KRT16: variants seen among roughly 807,000 people sequenced by gnomAD.
KRT16 encodes keratin, type I cytoskeletal 16.
In KRT16, 42 loss-of-function variants were observed where a neutral mutation model predicts 44.8. That is an observed-to-expected ratio of 0.94 (90% CI 0.73 to 1.21). The LOEUF (loss-of-function observed/expected upper bound fraction) is 1.21. Ranked by LOEUF, KRT16 falls within the 50% of genes most tolerant of loss-of-function variation. KRT16 has a pLI of 0.00. For synonymous variants in KRT16, 226 were observed against 260.4 expected, an observed-to-expected ratio of 0.87 and a Z score of 1.27; for missense variants, 561 against 626.9, an observed-to-expected ratio of 0.89 and a Z score of 1.12.
chr17:41,610,641 T>C (rs1908158368), intron 5 of KRT16, 90 bp from the exon 6 acceptor site: 1 of 1,533,620 alleles, frequency 6.5e-7, no homozygotes, highest in African/African-American at 1.4e-5. Context: ...GATGCCTGGA[T>C]TTTGATCCCA....
In KRT16 at chr17:41,611,491, C is replaced by G; in HGVS notation, c.625G>C (p.Glu209Gln). The change falls in exon 3 of 8, where the codon GAA becomes CAA. Residue 209 changes from glutamate (E) to glutamine (Q), a missense_variant. By Grantham distance (29) the Glu-to-Gln change is conservative. Coordinates refer to ENST00000301653, the MANE Select transcript of KRT16 (RefSeq NM_005557.4). Reference protein sequence around the residue: ...ADDFRTKYEHELALRQTVEAD... With the variant: ...ADDFRTKYEHQLALRQTVEAD... ...TCCACAGTCTGCCGCAGGGCCAGTTCATGCTCATACCTGGCAGGACAGAGG... is the reference window on the plus strand; with the variant it reads ...TCCACAGTCTGCCGCAGGGCCAGTTGATGCTCATACCTGGCAGGACAGAGG... 6.2e-7 allele frequency: 1 copy of G among 1,613,908 alleles called. No individual in the cohort carries two copies. The highest frequency in any genetic ancestry group is 1.1e-5 in the South Asian group (1 of 91,074).
chr17:41,611,381 C>T lies in KRT16; in HGVS notation c.735G>A (p.Lys245=). The T allele has an allele frequency of 6.2e-7, 1 of 1,614,236 alleles. No homozygotes were observed. The highest frequency in any genetic ancestry group is 8.5e-7 in the Non-Finnish European group (1 of 1,180,032). The change falls in exon 3 of 8, where the codon AAG becomes AAA. Residue 245 remains lysine, a synonymous_variant. Coordinates refer to ENST00000301653, the MANE Select transcript of KRT16 (RefSeq NM_005557.4). ...TDLEMQIEGL[K]EELAYLRKNH... is the part of the protein sequence containing the mutation. ...TCTTCCTCAGGTAGGCCAGCTCCTC[C>T]TTCAGGCCTTCGATCTGCATCTCCA...
At position 41,610,999 on chromosome 17, in the gene KRT16, T is replaced by C. The variant is rs1385503461; in HGVS notation, c.934-20A>G. The C allele has an allele frequency of 1.2e-6, 2 of 1,613,960 alleles. No individual in the cohort carries two copies. The highest frequency in any genetic ancestry group is 1.3e-5 in the African/African-American group (1 of 75,018). ...CTCGGTCTGAGGCAGGAAAGCAGAG[T>C]GAAAGGTGAGGCTCTCCCAAAGCCC... On this transcript the variant is annotated intron_variant, in intron 4 of 7. Transcript: ENST00000301653.
Position 41,612,490 on chromosome 17 carries a change from C to A in KRT16, c.199G>T (p.Gly67Cys), listed in dbSNP as rs62066634. The A allele has an allele frequency of 1.9e-6, 3 of 1,608,098 alleles. No individual in the cohort carries two copies. Among genetic ancestry groups the A allele is most frequent in the Non-Finnish European group, 2.5e-6 (3 of 1,177,438 alleles). Reference sequence around the variant, plus strand: ...CTGCTGCTGAAGCCACCGCCATAGCCGCCCCCCAGCCCGCAGGCTCCCCCA... The same window carrying A: ...CTGCTGCTGAAGCCACCGCCATAGCAGCCCCCCAGCCCGCAGGCTCCCCCA... ...SSGGACGLGGGYGGGFSSSSS... is the reference protein window; with the variant it reads ...SSGGACGLGGCYGGGFSSSSS... Residue 67 changes from glycine (G) to cysteine (C), a missense_variant, in exon 1 of 8, where the codon GGC becomes TGC. By Grantham distance (159) the Gly-to-Cys change is radical. Transcript: ENST00000301653.
Position 41,611,465 on chromosome 17 carries a change from C to A in KRT16, c.651G>T (p.Glu217Asp). 6.2e-7 allele frequency: 1 copy of A among 1,614,116 alleles called. No individual in the cohort carries two copies. The highest frequency in any genetic ancestry group is 8.5e-7 in the Non-Finnish European group (1 of 1,180,048). ...EHELALRQTVEADVNGLRRVL... is the reference protein window; with the variant it reads ...EHELALRQTVDADVNGLRRVL... The stretch of plus-strand genomic sequence containing the variant: ...CCCGGCGCAGGCCATTGACGTCGGC[C>A]TCCACAGTCTGCCGCAGGGCCAGTT... The change falls in exon 3 of 8, where the codon GAG becomes GAT. Residue 217 changes from glutamate (E) to aspartate (D), a missense_variant. Physicochemically the swap from Glu to Asp is conservative, Grantham distance 45. Coordinates refer to ENST00000301653, the MANE Select transcript of KRT16 (RefSeq NM_005557.4).
intron 1 of KRT16, 146 bp from the exon 2 acceptor site, chr17:41,611,867 G>A: frequency 3.5e-6 from 3 of 851,334 alleles, no homozygotes; most frequent in South Asian, 1.5e-5. Context: ...ACCAGCTCAG[G>A]CTACGTAGGG....
rs1288311459 is a variant in KRT16 at position 41,611,243 on chromosome 17, G to A, written c.772-13C>T. The A allele has an allele frequency of 1.9e-6, 3 of 1,613,986 alleles. No homozygotes were observed. Among genetic ancestry groups the A allele is most frequent in the African/African-American group, 1.3e-5 (1 of 75,052 alleles). On this transcript the variant is annotated splice_polypyrimidine_tract_variant and intron_variant, in intron 3 of 7. Transcript: ENST00000301653. ...GAGCAAGCATCTCCTGGGAAGGGAT[G>A]GCAGGAGGCGGTCAGTTCAGCAGAC...
Position 41,612,581 on chromosome 17 carries a change from G to A in KRT16, c.108C>T (p.Ala36=), listed in dbSNP as rs774260784. The A allele has an allele frequency of 4.5e-5, 72 of 1,594,830 alleles. No homozygotes were observed. Among genetic ancestry groups the A allele is most frequent in the Non-Finnish European group, 5.5e-5 (64 of 1,171,326 alleles). The change falls in exon 1 of 8, where the codon GCC becomes GCT. Residue 36 remains alanine, a synonymous_variant. Transcript: ENST00000301653. ...TGCTGGGGGCACGGCAGGACCCTCC[G>A]GCCAGGACGGAGGAGATGCGGCTGG... The part of the protein sequence containing the change: ...GGSSRISSVL[A]GGSCRAPSTY...
Position 41,612,138 on chromosome 17 carries a change from C to T in KRT16, c.531+20G>A. ...GTAGCCCCAGCCTCTCTCAGTGCTC[C>T]ATACACCAAAGTCACCCACCTTGTT... On this transcript the variant is annotated intron_variant, in intron 1 of 7. Coordinates refer to ENST00000301653, the MANE Select transcript of KRT16 (RefSeq NM_005557.4). The T allele has an allele frequency of 6.2e-7, 1 of 1,611,992 alleles. No individual in the cohort carries two copies. Among genetic ancestry groups the T allele is most frequent in the Non-Finnish European group, 8.5e-7 (1 of 1,179,832 alleles).
rs1033749371 is a variant in KRT16 at position 41,612,759 on chromosome 17, G to A, written c.-71C>T. The A allele has an allele frequency of 1.3e-5, 20 of 1,537,054 alleles. No individual in the cohort carries two copies. Among genetic ancestry groups the A allele is most frequent in the Non-Finnish European group, 1.6e-5 (18 of 1,147,206 alleles). On this transcript the variant is annotated 5_prime_UTR_variant, in exon 1 of 8. Coordinates refer to ENST00000301653, the MANE Select transcript of KRT16 (RefSeq NM_005557.4). ...GGAAAGGTGCTCAGGAAGGCTGAGA[G>A]CGTGCTGTGGCTGCCTCCAACCCCA...
chr17:41,611,777 G>A lies in KRT16; in HGVS notation c.532-56C>T. ...GTCAGCCAAGGACCTTACTACTTGA[G>A]CATGAAAGGCAGAAAGGGGCAAAAG... is the stretch of plus-strand genomic sequence containing the variant. On this transcript the variant is annotated intron_variant, in intron 1 of 7. Transcript: ENST00000301653. 4.0e-6 allele frequency: 6 copies of A among 1,511,108 alleles called. No individual in the cohort carries two copies. In the South Asian group the frequency reaches 4.7e-5, roughly 12 times the overall value. The allele number at this position is 1,511,108 out of a possible 1,614,324, so 93.6% of individuals were successfully genotyped here.
Position 41,611,059 on chromosome 17 carries a change from C to G in KRT16, c.933+10G>C. The G allele has an allele frequency of 6.2e-7, 1 of 1,614,018 alleles. No homozygotes were observed. The highest frequency in any genetic ancestry group is 8.5e-7 in the Non-Finnish European group (1 of 1,179,860). On this transcript the variant is annotated intron_variant, in intron 4 of 7. Coordinates refer to ENST00000301653, the MANE Select transcript of KRT16 (RefSeq NM_005557.4). ...AAGTGCTGCAGGCTCACTGCGGGCCCGAGCCCCACCTTGCTCAGGAACCAG... is the reference window on the plus strand; with the variant it reads ...AAGTGCTGCAGGCTCACTGCGGGCCGGAGCCCCACCTTGCTCAGGAACCAG...
intron 1 of KRT16, 58 bp from the exon 2 acceptor site, chr17:41,611,779 A>G: frequency 6.6e-7 from 1 of 1,514,856 alleles, no homozygotes; most frequent in East Asian, 2.3e-5. Context: ...CTACTTGAGC[A>G]TGAAAGGCAG....
intron 6 of KRT16, 40 bp downstream of exon 6, chr17:41,610,291 A>C (rs759938445): frequency 1.2e-6 from 2 of 1,613,596 alleles, no homozygotes; most frequent in East Asian, 4.5e-5. Flanking sequence ...CAGGGGGGCT[A>C]AAGGGTCTGG....
In KRT16 at chr17:41,610,456, C is replaced by G; in HGVS notation, c.1155G>C (p.Gln385His). ...IQGLIGSVEE[Q>H]LAQLRCEMEQ... ...CCATCTCACAGCGTAGCTGGGCCAG[C>G]TGCTCCTCCACACTGCCAATCAGTC... The change falls in exon 6 of 8, where the codon CAG becomes CAC. Residue 385 changes from glutamine to histidine, a missense_variant. Transcript: ENST00000301653. 1 of 1,612,190 alleles carries G rather than the reference C, an allele frequency of 6.2e-7. No individual in the cohort carries two copies. Among genetic ancestry groups the G allele is most frequent in the Non-Finnish European group, 8.5e-7 (1 of 1,179,874 alleles).
rs1285683912 is a variant in KRT16, at chr17:41,612,418, C to T, written c.271G>A (p.Gly91Ser). 8.7e-6 allele frequency: 14 copies of T among 1,613,976 alleles called. No individual in the cohort carries two copies. In the South Asian group the frequency reaches 1.3e-4, roughly 15 times the overall value. The change falls in exon 1 of 8, where the codon GGT (glycine) becomes AGT (serine). Residue 91 changes from glycine to serine, a missense_variant. Gly to Ser is a moderately conservative substitution (Grantham distance 56). Coordinates refer to ENST00000301653, the MANE Select transcript of KRT16 (RefSeq NM_005557.4). ...CCCAAGCCACCACCGAAGCCAGCACCAAGGCCACCACCATATCCTCCCCCG... is the reference window on the plus strand; with the variant it reads ...CCCAAGCCACCACCGAAGCCAGCACTAAGGCCACCACCATATCCTCCCCCG... ...GFGGGYGGGLGAGFGGGLGAG... is the reference protein window; with the variant it reads ...GFGGGYGGGLSAGFGGGLGAG...
intron 5 of KRT16, 82 bp from the exon 6 acceptor site, chr17:41,610,633 T>C: frequency 6.4e-7 from 1 of 1,552,522 alleles, no homozygotes; most frequent in Non-Finnish European, 8.9e-7. Context: ...TTTTGAGAGA[T>C]GCCTGGATTT....
chr17:41,610,464 C>G lies in KRT16; in HGVS notation c.1147G>C (p.Glu383Gln). ...CAGCGTAGCTGGGCCAGCTGCTCCT[C>G]CACACTGCCAATCAGTCCCTGGATC... ...SQIQGLIGSV[E>Q]EQLAQLRCEM... Residue 383 changes from glutamate (E) to glutamine (Q), a missense_variant, in exon 6 of 8, where the codon GAG (glutamate) becomes CAG (glutamine). By Grantham distance (29) the Glu-to-Gln change is conservative. Transcript: ENST00000301653. 1 of 1,612,206 alleles carries G rather than the reference C, an allele frequency of 6.2e-7. No individual in the cohort carries two copies.
Position 41,612,563 on chromosome 17 carries a change from G to T in KRT16, c.126C>A (p.Ala42=), listed in dbSNP as rs747409722. 1.3e-6 allele frequency: 2 copies of T among 1,595,058 alleles called. No homozygotes were observed. The highest frequency in any genetic ancestry group is 4.6e-5 in the East Asian group (2 of 43,904). ...SSVLAGGSCR[A]PSTYGGGLSV... The stretch of plus-strand genomic sequence containing the variant: ...ACAGGCCGCCCCCGTAGGTGCTGGG[G>T]GCACGGCAGGACCCTCCGGCCAGGA... Residue 42 remains alanine (A), a synonymous_variant, in exon 1 of 8, where the codon GCC becomes GCA. Coordinates refer to ENST00000301653, the MANE Select transcript of KRT16 (RefSeq NM_005557.4).
Sources: allele counts gnomAD v4.1 joint callset, GRCh38; gene constraint gnomAD v4.1.1; transcripts MANE v1.5; gene names NCBI Gene and HGNC (gene_info 2026-07-23, HGNC 2026-07-21).